Variants in FER observed in about 807,000 individuals in gnomAD.
FER encodes the protein tyrosine-protein kinase Fer.
Under a neutral mutation model 111.0 loss-of-function variants are expected in FER, and 63 were observed. The observed-to-expected ratio is 0.57, with a 90% confidence interval of 0.46 to 0.70. The LOEUF (loss-of-function observed/expected upper bound fraction) is 0.70, where lower values mean the gene tolerates loss of function less well. Among genes scored for constraint, FER ranks in the 30% least tolerant of loss-of-function variants. FER has a pLI of 0.00. For synonymous variants in FER, 327 were observed against 313.9 expected (o/e 1.04, Z -0.44); for missense variants, 914 against 954.0 (o/e 0.96, Z 0.55).
At chr5:108,992,187 T>A (rs914166880) in intron 13 of FER, among the ~76,000 whole-genome samples, 2 of 152,116 alleles carry the variant, frequency 1.3e-5, no homozygotes, top group African/African-American at 4.8e-5. Flanking sequence ...GAGCACAGGG[T>A]TGGGGGTAAG....
At chr5:108,884,512 G>GTTTTT (rs776345488) in intron 9 of FER, among the ~76,000 whole-genome samples, 2 of 144,532 alleles carry the variant, frequency 1.4e-5, no homozygotes, top group African/African-American at 2.6e-5. Context: ...CTTATGCCTG[G>GTTTTT]TTTTTTTTTT....
chr5:109,042,634 TAGAA>T (rs1334775261), intron 14 of FER, among the ~76,000 whole-genome samples: 1 of 152,116 alleles, frequency 6.6e-6, no homozygotes, highest in Non-Finnish European at 1.5e-5. Context: ...CAGAAACCAT[TAGAA>T]AGACACAAAG....
intron 5 of FER, among the ~76,000 whole-genome samples, chr5:108,852,916 CT>C (rs1762665801): frequency 6.6e-6 from 1 of 152,072 alleles, no homozygotes; most frequent in Admixed American, 6.6e-5. Flanking sequence ...ATGGAATATG[CT>C]ATATGATTCA....
chr5:109,007,762 C>T (rs1765686517), intron 13 of FER, among the ~76,000 whole-genome samples: 1 of 152,046 alleles, frequency 6.6e-6, no homozygotes, highest in Non-Finnish European at 1.5e-5. Flanking sequence ...TTTCATTTAT[C>T]GAGTATATAC....
intron 13 of FER, among the ~76,000 whole-genome samples, chr5:108,993,945 A>T (rs571265655): frequency 6.6e-6 from 1 of 152,200 alleles, no homozygotes; most frequent in Non-Finnish European, 1.5e-5. Context: ...GTGTCTGTTC[A>T]TGCCCTTTGC....
intron 16 of FER, among the ~76,000 whole-genome samples, chr5:109,068,734 C>T (rs992667502): frequency 1.9e-4 from 29 of 152,238 alleles, no homozygotes; most frequent in African/African-American, 6.7e-4. Context: ...ATATAATGCT[C>T]AAAGGGTTAA....
At chr5:108,817,914 G>T (rs1353455904) in intron 3 of FER, 1 of 152,050 alleles carries the variant, frequency 6.6e-6, no homozygotes, top group African/African-American at 2.4e-5. Context: ...GTCTTCCTAA[G>T]CATAAAATAG....
intron 13 of FER, among the ~76,000 whole-genome samples, chr5:108,986,471 T>C (rs1185761407): frequency 6.6e-6 from 1 of 152,140 alleles, no homozygotes; most frequent in African/African-American, 2.4e-5. Context: ...ATATTTATCT[T>C]TGTTTTTGTT....
At chr5:109,013,446 A>G (rs1379622772) in intron 13 of FER, among the ~76,000 whole-genome samples, 3 of 151,724 alleles carry the variant, frequency 2.0e-5, no homozygotes, top group Non-Finnish European at 4.4e-5. Context: ...TCCACGGTGT[A>G]TATGTGCCAC....
intron 17 of FER, among the ~76,000 whole-genome samples, chr5:109,125,424 A>C (rs1429593112): frequency 2.0e-5 from 3 of 152,200 alleles, no homozygotes; most frequent in Admixed American, 6.5e-5. Context: ...ATTTTTCTTA[A>C]AAGTGTCTTA....
intron 13 of FER, among the ~76,000 whole-genome samples, chr5:109,033,405 C>A (rs539231232): frequency 8.5e-5 from 13 of 152,168 alleles, no homozygotes; most frequent in African/African-American, 2.9e-4. Context: ...ACTTTTCTTT[C>A]CTTTGGATAG....
chr5:108,986,458 CAT>C (rs1762587933), intron 13 of FER, among the ~76,000 whole-genome samples: 1 of 151,952 alleles, frequency 6.6e-6, no homozygotes, highest in African/African-American at 2.4e-5. Context: ...AATTAAGTCT[CAT>C]ATATTTATCT....
chr5:109,077,041 C>T (rs1436061459), intron 16 of FER, among the ~76,000 whole-genome samples: 2 of 152,198 alleles, frequency 1.3e-5, no homozygotes, highest in Non-Finnish European at 2.9e-5. Flanking sequence ...CACTTGTCTG[C>T]CTTTTATATA....
At chr5:109,101,973 T>G (rs1031950037) in intron 17 of FER, among the ~76,000 whole-genome samples, 2 of 152,138 alleles carry the variant, frequency 1.3e-5, no homozygotes, top group African/African-American at 2.4e-5. Context: ...TTGAAACTTT[T>G]TTTAATTTGT....
chr5:108,976,456 C>A (rs1761353213), intron 13 of FER, among the ~76,000 whole-genome samples: 1 of 152,116 alleles, frequency 6.6e-6, no homozygotes, highest in South Asian at 2.1e-4. Flanking sequence ...TTAGCCCCTT[C>A]TTCCTTTGTT....
chr5:109,064,321 T>G (rs1008036612), intron 16 of FER, among the ~76,000 whole-genome samples: 1 of 148,374 alleles, frequency 6.7e-6, no homozygotes, highest in Non-Finnish European at 1.5e-5. Context: ...TAGGCCACTG[T>G]TTTTTTTAGT....
chr5:109,061,556 G>A (rs1322322414), intron 16 of FER, among the ~76,000 whole-genome samples: 2 of 151,966 alleles, frequency 1.3e-5, no homozygotes, highest in Non-Finnish European at 2.9e-5. Context: ...TTTTTATGTG[G>A]GTCAAAATAT....
intron 1 of FER, among the ~76,000 whole-genome samples, chr5:108,755,925 G>T (rs1751047997): frequency 6.6e-6 from 1 of 150,736 alleles, no homozygotes; most frequent in South Asian, 2.1e-4. Context: ...GCCGAGGTGG[G>T]TGGATCACCT....
intron 13 of FER, among the ~76,000 whole-genome samples, chr5:109,035,735 T>C (rs559285430): frequency 6.6e-6 from 1 of 152,358 alleles, no homozygotes; most frequent in African/African-American, 2.4e-5. Flanking sequence ...AAAATGCTTT[T>C]TCTGCGTTGG....
Sources: gnomAD v4.1 joint callset for allele counts (sites outside exome capture counted in the v4.1 genomes callset) on GRCh38, gnomAD v4.1.1 for gene constraint, MANE v1.5 for transcripts, NCBI Gene and HGNC (gene_info 2026-07-23, HGNC 2026-07-21) for gene names.